CSMD1: variants seen among roughly 807,000 people sequenced by gnomAD.
The protein encoded by CSMD1 is CUB and sushi domain-containing protein 1.
A neutral mutation model predicts 417.5 loss-of-function variants in CSMD1; 213 were observed. That is an observed-to-expected ratio of 0.51 (90% CI 0.46 to 0.57). The LOEUF (loss-of-function observed/expected upper bound fraction) is 0.57. CSMD1 is among the 20% of genes least tolerant of loss of function. CSMD1 has a pLI of 0.00. For synonymous variants in CSMD1, 2,862 were observed against 1,736.8 expected (o/e 1.65, Z -16.11); for missense variants, 6,923 against 4,529.7 (o/e 1.53, Z -15.17).
intron 1 of CSMD1, among the ~76,000 whole-genome samples, chr8:4,934,028 A>G (rs2117203892): frequency 6.6e-6 from 1 of 152,170 alleles, no homozygotes; most frequent in East Asian, 1.9e-4. Flanking sequence ...GAAGGTTTTG[A>G]TGATGAGATA....
chr8:3,226,833 G>A (rs1017431304), intron 27 of CSMD1, among the ~76,000 whole-genome samples: 8 of 151,870 alleles, frequency 5.3e-5, no homozygotes, highest in African/African-American at 1.9e-4. Context: ...GAAAGAAAGA[G>A]AGAGAGCCAG....
chr8:4,040,221 T>G (rs1446214285), intron 3 of CSMD1, among the ~76,000 whole-genome samples: 1 of 152,238 alleles, frequency 6.6e-6, no homozygotes, highest in Non-Finnish European at 1.5e-5. Context: ...CATTTAGCAA[T>G]AGTAATTCCA....
In CSMD1 at chr8:4,252,178, G is replaced by C. The variant is rs1363120741; in HGVS notation, c.415+167775C>G. On this transcript the variant is annotated intron_variant, in intron 3 of 69. Coordinates refer to ENST00000635120, the MANE Select transcript of CSMD1 (RefSeq NM_033225.6). ...TCAGGATATATAGAAAGCTGGGGTG[G>C]GGAGATGGATAAAAAAGCTTAAAAC... Among the ~76,000 whole-genome samples, 4 of 152,190 alleles carry C rather than the reference G, an allele frequency of 2.6e-5. No individual in the cohort carries two copies. In the East Asian group the frequency reaches 7.7e-4, roughly 29 times the overall value.
rs79923470 is a variant in CSMD1, at chr8:4,191,103, A to G, written c.416-159004T>C. ...GATTAAAATAAAATAAAAGTTGAAA[A>G]AAATTCAACAAGGCCAGGCGAGGTA... On this transcript the variant is annotated intron_variant, in intron 3 of 69. Coordinates refer to ENST00000635120, the MANE Select transcript of CSMD1 (RefSeq NM_033225.6). Among the ~76,000 whole-genome samples the G allele has an allele frequency of 3.9e-3, 588 of 149,120 alleles. 26 individuals carry two copies. The East Asian group carries it at 0.1, about 25-fold the overall frequency.
rs541764640 is a variant in CSMD1, at chr8:3,477,313, G to A, written c.1449-8489C>T. 1.4e-4 allele frequency among the ~76,000 whole-genome samples: 22 copies of A among 152,292 alleles called. 1 individual carries two copies. The highest frequency in any genetic ancestry group is 1.0e-3 in the South Asian group (5 of 4,828). ...CAGTTGAAAATTTGACAATGGAAACGTAAAGCCTGCCCTTCAGATAAAAAC... is the reference window on the plus strand; with the variant it reads ...CAGTTGAAAATTTGACAATGGAAACATAAAGCCTGCCCTTCAGATAAAAAC... On this transcript the variant is annotated intron_variant, in intron 11 of 69. Coordinates refer to ENST00000635120, the MANE Select transcript of CSMD1 (RefSeq NM_033225.6).
rs1247746319 is a variant in CSMD1 at position 4,227,718 on chromosome 8, A to C, written c.415+192235T>G. Among the ~76,000 whole-genome samples, 5 of 151,832 alleles carry C rather than the reference A, an allele frequency of 3.3e-5. No homozygotes were observed. The East Asian group carries it at 9.7e-4, about 30-fold the overall frequency. ...CCCCACACCTGGAGACACACCCTCC[A>C]CCCCACATTAACTCCCACACCTGGA... is the stretch of plus-strand genomic sequence containing the variant. On this transcript the variant is annotated intron_variant, in intron 3 of 69. Transcript: ENST00000635120.
chr8:3,365,656 T>G (rs1049702061), intron 20 of CSMD1, among the ~76,000 whole-genome samples: 3 of 152,228 alleles, frequency 2.0e-5, no homozygotes, highest in African/African-American at 7.2e-5. Context: ...AAAATATATG[T>G]AGATACTAGT....
At chr8:4,142,721 G>C (rs565621753) in intron 3 of CSMD1, among the ~76,000 whole-genome samples, 1 of 151,194 alleles carries the variant, frequency 6.6e-6, no homozygotes, top group African/African-American at 2.5e-5. Context: ...CTAGAGGCCA[G>C]ACCTGACACA....
chr8:3,611,851 C>T (rs530458054), intron 8 of CSMD1, among the ~76,000 whole-genome samples: 6 of 152,052 alleles, frequency 3.9e-5, no homozygotes, highest in Admixed American at 1.3e-4. Context: ...TAATTTAGGA[C>T]AGAAGTTCAG....
At chr8:3,664,241 T>A (rs763473541) in intron 7 of CSMD1, among the ~76,000 whole-genome samples, 6 of 152,170 alleles carry the variant, frequency 3.9e-5, no homozygotes, top group Non-Finnish European at 8.8e-5. Context: ...TGTTCAAGTG[T>A]TCTCATTGTT....
At chr8:3,207,159 T>C (rs1227613741) in intron 30 of CSMD1, among the ~76,000 whole-genome samples, 1 of 71,568 alleles carries the variant, frequency 1.4e-5, no homozygotes, top group East Asian at 3.2e-4. Context: ...TTCTTTTTTT[T>C]TTTTTGAGAT....
At chr8:4,356,735 G>A (rs1010233110) in intron 3 of CSMD1, among the ~76,000 whole-genome samples, 3 of 152,070 alleles carry the variant, frequency 2.0e-5, no homozygotes, top group African/African-American at 4.8e-5. Context: ...TACAGTGAGG[G>A]CACCTTCTCC....
chr8:4,135,312 G>C (rs1803352844), intron 3 of CSMD1, among the ~76,000 whole-genome samples: 1 of 131,512 alleles, frequency 7.6e-6, no homozygotes, highest in Non-Finnish European at 1.6e-5. Context: ...AAGGAAGAAA[G>C]GAGGGAGGAG....
At chr8:3,099,113 T>C (rs1447715360) in intron 46 of CSMD1, among the ~76,000 whole-genome samples, 1 of 152,024 alleles carries the variant, frequency 6.6e-6, no homozygotes, top group East Asian at 1.9e-4. Context: ...CAAGCCTCTT[T>C]ACATTTCTAA....
intron 37 of CSMD1, among the ~76,000 whole-genome samples, chr8:3,179,145 A>C (rs11780330): frequency 0.36 from 52,750 of 147,692 alleles, 9,890 homozygotes; most frequent in Middle Eastern, 0.4. Flanking sequence ...CGGGGTTTCA[A>C]CGTGTTAGCC....
chr8:4,056,255 T>C (rs112152864), intron 3 of CSMD1, among the ~76,000 whole-genome samples: 6 of 151,912 alleles, frequency 3.9e-5, no homozygotes, highest in African/African-American at 1.4e-4. Context: ...CTAATTTTTG[T>C]ATTTTTTAGT....
At chr8:4,660,402 A>G (rs1804522229) in intron 1 of CSMD1, among the ~76,000 whole-genome samples, 1 of 152,158 alleles carries the variant, frequency 6.6e-6, no homozygotes, top group Non-Finnish European at 1.5e-5. Context: ...TGATTAAGCA[A>G]GATACCATGT....
chr8:4,252,677 T>A (rs571455270), intron 3 of CSMD1, among the ~76,000 whole-genome samples: 37 of 152,278 alleles, frequency 2.4e-4, no homozygotes, highest in African/African-American at 8.9e-4. Flanking sequence ...TTATGTGGAG[T>A]TAACCAGTGA....
chr8:3,460,637 G>C (rs376606860), intron 12 of CSMD1, among the ~76,000 whole-genome samples: 98 of 152,292 alleles, frequency 6.4e-4, no homozygotes, highest in Non-Finnish European at 1.3e-3. Flanking sequence ...GGGATAGAAG[G>C]ATATTTACTA....
Sources: allele counts gnomAD v4.1 joint callset (sites outside exome capture counted in the v4.1 genomes callset), GRCh38; gene constraint gnomAD v4.1.1; transcripts MANE v1.5; gene names NCBI Gene and HGNC (gene_info 2026-07-23, HGNC 2026-07-21).